Variants in FAM114A2 observed in about 807,000 individuals in gnomAD.
The protein encoded by FAM114A2 is family with sequence similarity 114 member A2, also known as protein FAM114A2.
Under a neutral mutation model 58.4 loss-of-function variants are expected in FAM114A2, and 53 were observed. The observed-to-expected ratio is 0.91, with a 90% confidence interval of 0.73 to 1.14. The LOEUF (loss-of-function observed/expected upper bound fraction) is 1.14. FAM114A2 is among the 50% of genes most tolerant of loss of function. FAM114A2 has a pLI of 0.00. For missense variants in FAM114A2, 601 were observed against 581.1 expected (o/e 1.03, Z -0.35); for synonymous variants, 228 against 211.4 (o/e 1.08, Z -0.68).
chr5:154,037,174 G>T, intron 1 of FAM114A2: 1 of 152,236 alleles, frequency 6.6e-6, no homozygotes, highest in East Asian at 1.9e-4. Context: ...AAGGCCTGAG[G>T]TCTGACAGTA....
chr5:153,999,315 C>G (rs1473957603), intron 11 of FAM114A2, among the ~76,000 whole-genome samples: 2 of 152,032 alleles, frequency 1.3e-5, no homozygotes, highest in African/African-American at 2.4e-5. Flanking sequence ...TCATCTCACC[C>G]CCGTTAGAAT....
intron 9 of FAM114A2, among the ~76,000 whole-genome samples, chr5:154,010,167 T>C (rs1770596198): frequency 6.6e-6 from 1 of 152,206 alleles, no homozygotes; most frequent in Non-Finnish European, 1.5e-5. Flanking sequence ...ATACATGTAT[T>C]TACACAGAGA....
intron 9 of FAM114A2, among the ~76,000 whole-genome samples, chr5:154,010,440 A>T (rs1226656549): frequency 6.6e-6 from 1 of 152,160 alleles, no homozygotes; most frequent in East Asian, 1.9e-4. Flanking sequence ...GGCATAGGAG[A>T]GTGGGATAAC....
chr5:154,028,794 C>G (rs1771976491), intron 5 of FAM114A2, among the ~76,000 whole-genome samples: 1 of 152,040 alleles, frequency 6.6e-6, no homozygotes. Flanking sequence ...AGCTGAAATG[C>G]AGGCAAAATT....
intron 11 of FAM114A2, among the ~76,000 whole-genome samples, chr5:153,999,718 A>G (rs146210053): frequency 0.012 from 1,789 of 152,226 alleles, 42 homozygotes; most frequent in African/African-American, 0.04. Flanking sequence ...TAGTACAACC[A>G]CTATGAAAAC....
intron 13 of FAM114A2, chr5:153,994,715 A>T (rs1374649291): frequency 3.9e-6 from 2 of 517,226 alleles, no homozygotes; most frequent in African/African-American, 3.8e-5. Flanking sequence ...TGCTTCTTCC[A>T]GTACCCTGCA....
intron 8 of FAM114A2, among the ~76,000 whole-genome samples, chr5:154,018,385 C>T (rs894041044): frequency 6.6e-6 from 1 of 151,908 alleles, no homozygotes; most frequent in African/African-American, 2.4e-5. Context: ...CTGAACAAAC[C>T]AATAACAAGC....
At chr5:154,000,152 T>C (rs1392146537) in intron 11 of FAM114A2, among the ~76,000 whole-genome samples, 1 of 152,156 alleles carries the variant, frequency 6.6e-6, no homozygotes, top group East Asian at 1.9e-4. Context: ...AACATGATCT[T>C]ACGGAAATAG....
chr5:154,027,909 G>C (rs1480573529), intron 6 of FAM114A2, among the ~76,000 whole-genome samples: 1 of 152,112 alleles, frequency 6.6e-6, no homozygotes, highest in Non-Finnish European at 1.5e-5. Context: ...AACCCTGACA[G>C]GGTTTAGCAT....
At chr5:154,035,296 A>G (rs1772478077) in intron 1 of FAM114A2, among the ~76,000 whole-genome samples, 1 of 152,190 alleles carries the variant, frequency 6.6e-6, no homozygotes, top group Non-Finnish European at 1.5e-5. Flanking sequence ...GAACAGTTCA[A>G]TCACAAGGAT....
chr5:154,016,987 T>C (rs945942184), intron 8 of FAM114A2, among the ~76,000 whole-genome samples: 93 of 152,038 alleles, frequency 6.1e-4, no homozygotes, highest in African/African-American at 2.2e-3. Flanking sequence ...TATTCTTGTA[T>C]CAGACAAAAC....
chr5:154,023,458 A>G (rs952439871), intron 8 of FAM114A2, among the ~76,000 whole-genome samples: 5 of 152,178 alleles, frequency 3.3e-5, no homozygotes, highest in Non-Finnish European at 7.3e-5. Context: ...AAACGAATGA[A>G]TTAATGCATT....
chr5:154,001,591 T>C (rs1390478865), intron 11 of FAM114A2, among the ~76,000 whole-genome samples: 2 of 152,226 alleles, frequency 1.3e-5, no homozygotes, highest in South Asian at 2.1e-4. Flanking sequence ...GGCACTCTTA[T>C]ACATTTGTTT....
intron 8 of FAM114A2, among the ~76,000 whole-genome samples, chr5:154,025,489 T>C (rs1047662053): frequency 2.6e-4 from 39 of 152,176 alleles, no homozygotes; most frequent in African/African-American, 9.2e-4. Context: ...AGTATTATGA[T>C]GCAGAGTTCT....
At chr5:154,025,209 A>G (rs1405305481) in intron 8 of FAM114A2, among the ~76,000 whole-genome samples, 2 of 152,198 alleles carry the variant, frequency 1.3e-5, no homozygotes, top group Non-Finnish European at 2.9e-5. Flanking sequence ...AATATTTGTA[A>G]GATGCATACT....
At chr5:154,035,343 G>A (rs891123653) in intron 1 of FAM114A2, among the ~76,000 whole-genome samples, 3 of 152,002 alleles carry the variant, frequency 2.0e-5, no homozygotes, top group African/African-American at 7.3e-5. Context: ...AACCACTTCC[G>A]ACACTCCTTC....
intron 1 of FAM114A2, chr5:154,038,371 T>TG (rs1772739349): frequency 6.6e-6 from 1 of 152,232 alleles, no homozygotes; most frequent in African/African-American, 2.4e-5. Flanking sequence ...GCAGCGATTG[T>TG]GGGGAAGTCA....
rs187823795 is a variant in FAM114A2 at position 154,011,115 on chromosome 5, T to C, written c.993+126A>G. Reference sequence around the variant, plus strand: ...GGCAAGTAGATGCAGAACCCAATTCTGGGTATAACGAGAATATACCTTCGA... The same window carrying C: ...GGCAAGTAGATGCAGAACCCAATTCCGGGTATAACGAGAATATACCTTCGA... On this transcript the variant is annotated intron_variant, in intron 9 of 13. Transcript: ENST00000351797. 6.3e-4 allele frequency: 428 copies of C among 678,778 alleles called. No individual in the cohort carries two copies. The African/African-American group carries it at 7.2e-3, about 11-fold the overall frequency. The allele number at this position is 678,778 out of a possible 1,614,324, so 42.0% of individuals were successfully genotyped here.
intron 8 of FAM114A2, among the ~76,000 whole-genome samples, chr5:154,018,430 A>G (rs965622168): frequency 1.3e-5 from 2 of 152,170 alleles, no homozygotes; most frequent in African/African-American, 4.8e-5. Context: ...AAAATTACCA[A>G]CAAAAAAAAG....
Sources: allele counts gnomAD v4.1 joint callset (sites outside exome capture counted in the v4.1 genomes callset), GRCh38; gene constraint gnomAD v4.1.1; transcripts MANE v1.5; gene names NCBI Gene and HGNC (gene_info 2026-07-23, HGNC 2026-07-21).